Variants in MED26 observed in about 807,000 individuals in gnomAD.
MED26 encodes mediator of RNA polymerase II transcription subunit 26.
Under a neutral mutation model 43.7 loss-of-function variants are expected in MED26, and 7 were observed. The ratio of observed to expected loss-of-function variants is 0.16; its 90% CI spans 0.09 to 0.30. The LOEUF (loss-of-function observed/expected upper bound fraction) is 0.30. Among genes scored for constraint, MED26 ranks in the 10% least tolerant of loss-of-function variants. The pLI, the probability that MED26 is intolerant of heterozygous loss-of-function variation, is 1.00. For synonymous variants in MED26, 375 were observed against 371.1 expected, an observed-to-expected ratio of 1.01 and a Z score of -0.12; for missense variants, 784 against 840.6, an observed-to-expected ratio of 0.93 and a Z score of 0.83.
intron 1 of MED26, among the ~76,000 whole-genome samples, chr19:16,613,701 A>T (rs2086209995): frequency 6.6e-6 from 1 of 152,226 alleles, no homozygotes; most frequent in Non-Finnish European, 1.5e-5. Flanking sequence ...GAATCAGCCC[A>T]TCTATAAAAT....
chr19:16,591,295 C>T (rs73516916), intron 1 of MED26, among the ~76,000 whole-genome samples: 53 of 152,102 alleles, frequency 3.5e-4, no homozygotes, highest in African/African-American at 1.2e-3. Flanking sequence ...ATGACTGTCA[C>T]GCCTAGGATC....
intron 1 of MED26, among the ~76,000 whole-genome samples, chr19:16,625,349 G>A (rs2086269688): frequency 6.6e-6 from 1 of 152,230 alleles, no homozygotes; most frequent in Admixed American, 6.5e-5. Flanking sequence ...TGGTAAACAC[G>A]ACTTCGTCAC....
chr19:16,594,419 G>A (rs1035369552), intron 1 of MED26, among the ~76,000 whole-genome samples: 2 of 152,254 alleles, frequency 1.3e-5, no homozygotes, highest in Non-Finnish European at 1.5e-5. Flanking sequence ...TGAACCACGC[G>A]CATCTCACAA....
rs1420634521 is a variant in MED26, at chr19:16,575,305, G to C, written c.*722C>G. ...GGTTTTTTTGTCTGGTGGTCTGATG[G>C]AAGAGGAATTGTTTAAAATAAACAT... On this transcript the variant is annotated 3_prime_UTR_variant, in exon 3 of 3. Transcript: ENST00000263390. The C allele has an allele frequency of 1.3e-5, 2 of 152,642 alleles. No individual in the cohort carries two copies. Among genetic ancestry groups the C allele is most frequent in the Non-Finnish European group, 2.9e-5 (2 of 68,046 alleles). The allele number at this position is 152,642 out of a possible 1,614,324, so 9.5% of individuals were successfully genotyped here.
At chr19:16,604,264 G>GC (rs1417790012) in intron 1 of MED26, among the ~76,000 whole-genome samples, 1 of 152,156 alleles carries the variant, frequency 6.6e-6, no homozygotes, top group African/African-American at 2.4e-5. Flanking sequence ...GCACAGTATG[G>GC]CCCAGTGCTC....
chr19:16,591,021 CAG>C (rs2086094439), intron 1 of MED26, among the ~76,000 whole-genome samples: 1 of 150,966 alleles, frequency 6.6e-6, no homozygotes, highest in South Asian at 2.1e-4. Flanking sequence ...GCCTGGGCCA[CAG>C]AGAGAGACTT....
intron 1 of MED26, among the ~76,000 whole-genome samples, chr19:16,614,009 T>A (rs1468376165): frequency 1.3e-5 from 2 of 152,180 alleles, no homozygotes; most frequent in Non-Finnish European, 2.9e-5. Context: ...AGTACCAGCA[T>A]CTTCATGATC....
At chr19:16,580,114 C>T (rs1018088850) in intron 1 of MED26, among the ~76,000 whole-genome samples, 5 of 152,346 alleles carry the variant, frequency 3.3e-5, no homozygotes, top group Middle Eastern at 6.8e-3. Flanking sequence ...GGAGCTGGGG[C>T]TCCACATCCA....
intron 1 of MED26, among the ~76,000 whole-genome samples, chr19:16,606,867 C>T (rs778419044): frequency 6.6e-6 from 1 of 152,214 alleles, no homozygotes; most frequent in Non-Finnish European, 1.5e-5. Context: ...ATGCACAATG[C>T]AACTGCTGCA....
intron 1 of MED26, among the ~76,000 whole-genome samples, chr19:16,602,333 G>A (rs2086153751): frequency 6.6e-6 from 1 of 152,160 alleles, no homozygotes; most frequent in Admixed American, 6.5e-5. Flanking sequence ...AGGTCCAGGT[G>A]GAAGGTCTTC....
intron 1 of MED26, among the ~76,000 whole-genome samples, chr19:16,600,106 C>G (rs1340744189): frequency 2.0e-5 from 3 of 152,148 alleles, no homozygotes; most frequent in Non-Finnish European, 4.4e-5. Flanking sequence ...CCCAGGCCCA[C>G]CAGGAGCCCA....
At chr19:16,627,768 G>T in intron 1 of MED26, 104 bp downstream of exon 1, 1 of 767,900 alleles carries the variant, frequency 1.3e-6, no homozygotes, top group South Asian at 3.9e-5. Context: ...GGGGAGGTGG[G>T]CGCCAGACGG....
rs969808004 is a variant in MED26, at chr19:16,587,934, T to C, written c.73-9525A>G. ...TTCTGCAGCGAGGGAAACTTGCAGA[T>C]GAAGCCAGGAGGCAGGCAGCGCTGC... On this transcript the variant is annotated intron_variant, in intron 1 of 2. Coordinates refer to ENST00000263390, the MANE Select transcript of MED26 (RefSeq NM_004831.5). The surrounding 1 kb of genome is among the most constrained non-coding windows in gnomAD (Gnocchi z 4.9). The C allele has an allele frequency of 6.6e-6, 1 of 152,234 alleles. No homozygotes were observed. The highest frequency in any genetic ancestry group is 2.4e-5 in the African/African-American group (1 of 41,442). The allele number at this position is 152,234 out of a possible 1,614,324, so 9.4% of individuals were successfully genotyped here.
intron 2 of MED26, 87 bp downstream of exon 2, chr19:16,578,248 G>A (rs746873673): frequency 4.1e-6 from 5 of 1,221,236 alleles, no homozygotes; most frequent in Non-Finnish European, 6.0e-6. Flanking sequence ...AGACACTGAT[G>A]CTCCCAGAAG....
intron 1 of MED26, among the ~76,000 whole-genome samples, chr19:16,582,640 G>A (rs918765761): frequency 6.6e-6 from 1 of 152,142 alleles, no homozygotes; most frequent in Non-Finnish European, 1.5e-5. Flanking sequence ...GGAGGCTCCC[G>A]CTCTGACTCC....
At chr19:16,606,028 G>C (rs1259654138) in intron 1 of MED26, among the ~76,000 whole-genome samples, 1 of 152,204 alleles carries the variant, frequency 6.6e-6, no homozygotes, top group Non-Finnish European at 1.5e-5. Context: ...GGCCTGGCAA[G>C]GGATAGAGCA....
chr19:16,582,430 C>T (rs1259496450), intron 1 of MED26, among the ~76,000 whole-genome samples: 1 of 152,254 alleles, frequency 6.6e-6, no homozygotes, highest in Non-Finnish European at 1.5e-5. Context: ...TAGATGGCCA[C>T]AGTCTGTCCC....
At chr19:16,614,644 G>A (rs1296028228) in intron 1 of MED26, among the ~76,000 whole-genome samples, 1 of 152,198 alleles carries the variant, frequency 6.6e-6, no homozygotes, top group Admixed American at 6.5e-5. Context: ...AGGCCACTGG[G>A]TCCTGTCGAC....
chr19:16,600,395 C>T (rs1487212508), intron 1 of MED26, among the ~76,000 whole-genome samples: 2 of 152,238 alleles, frequency 1.3e-5, no homozygotes, highest in Non-Finnish European at 2.9e-5. Flanking sequence ...TGGAGCTTCA[C>T]TGATCGTTGG....
Sources: gnomAD v4.1 joint callset for allele counts (sites outside exome capture counted in the v4.1 genomes callset) on GRCh38, gnomAD v4.1.1 for gene constraint, Gnocchi (gnomAD v3.1) non-coding constraint, MANE v1.5 for transcripts, NCBI Gene and HGNC (gene_info 2026-07-23, HGNC 2026-07-21) for gene names.